Variants in AK8 observed in about 807,000 individuals in gnomAD.
The protein encoded by AK8 is adenylate kinase 8.
AK8 carries 44 observed loss-of-function variants against 54.6 expected under a neutral mutation model. The observed-to-expected ratio is 0.81, with a 90% confidence interval of 0.63 to 1.04. The LOEUF is 1.04. AK8 is among the 50% of genes least tolerant of loss of function. The pLI is 0.00. For missense variants in AK8, 555 were observed against 613.6 expected, an observed-to-expected ratio of 0.90 and a Z score of 1.01; for synonymous variants, 239 against 245.6, an observed-to-expected ratio of 0.97 and a Z score of 0.25.
At chr9:132,869,886 C>T (rs1843742748) in intron 2 of AK8, among the ~76,000 whole-genome samples, 1 of 152,086 alleles carries the variant, frequency 6.6e-6, no homozygotes, top group Admixed American at 6.5e-5. Flanking sequence ...ATGGAGAGAG[C>T]GCCTGCTTGG....
chr9:132,835,754 A>G (rs569680471), intron 5 of AK8, among the ~76,000 whole-genome samples: 68 of 152,324 alleles, frequency 4.5e-4, no homozygotes, highest in African/African-American at 1.6e-3. Context: ...TTAGGAGGCC[A>G]AGGTGGGAGG....
intron 9 of AK8, among the ~76,000 whole-genome samples, chr9:132,822,567 A>G (rs1345906350): frequency 6.6e-6 from 1 of 151,882 alleles, no homozygotes; most frequent in Non-Finnish European, 1.5e-5. Context: ...ACTCCCTTCA[A>G]CCTGGCAGTG....
chr9:132,872,724 C>A (rs772706622), intron 2 of AK8, among the ~76,000 whole-genome samples: 41 of 152,304 alleles, frequency 2.7e-4, no homozygotes, highest in Admixed American at 2.2e-3. Flanking sequence ...ACCTCCACCC[C>A]CTGGGTTCAA....
intron 10 of AK8, among the ~76,000 whole-genome samples, chr9:132,810,402 C>A (rs538600269): frequency 8.5e-5 from 13 of 152,258 alleles, no homozygotes; most frequent in African/African-American, 1.2e-4. Context: ...AACGACTCTG[C>A]GCCTGGACCA....
intron 9 of AK8, among the ~76,000 whole-genome samples, chr9:132,818,648 G>T (rs1017901941): frequency 1.3e-5 from 2 of 152,090 alleles, no homozygotes; most frequent in Admixed American, 6.5e-5. Context: ...AAGGTGGCAG[G>T]AAAGGAGGAA....
intron 5 of AK8, among the ~76,000 whole-genome samples, chr9:132,845,920 A>G (rs1842730534): frequency 6.6e-6 from 1 of 152,074 alleles, no homozygotes; most frequent in South Asian, 2.1e-4. Context: ...TCACGGAAAC[A>G]AATCTGTCCA....
At chr9:132,848,147 T>TAAAAAAAAAAAAAAA (rs1842832252) in intron 5 of AK8, among the ~76,000 whole-genome samples, 1 of 90,838 alleles carries the variant, frequency 1.1e-5, no homozygotes. Context: ...AAAAAAAGAT[T>TAAAAAAAAAAAAAAA]GAAGAGAAGA....
In AK8 at chr9:132,860,332, G is replaced by A. The variant is rs142563247; in HGVS notation, c.333+3333C>T. Reference sequence around the variant, plus strand: ...TAGGTGTGATAATGTGTCTCTATGCGTTTACTGAAAAAGGGCCCTTATCTT... The same window carrying A: ...TAGGTGTGATAATGTGTCTCTATGCATTTACTGAAAAAGGGCCCTTATCTT... On this transcript the variant is annotated intron_variant, in intron 4 of 12. Transcript: ENST00000298545. The surrounding 1 kb of genome is among the most constrained non-coding windows in gnomAD (Gnocchi z 4.4). Among the ~76,000 whole-genome samples, 7 of 152,270 alleles carry A rather than the reference G, an allele frequency of 4.6e-5. No homozygotes were observed. Among genetic ancestry groups the A allele is most frequent in the East Asian group, 1.9e-4 (1 of 5,184 alleles).
At chr9:132,864,770 T>G (rs909093759) in intron 3 of AK8, among the ~76,000 whole-genome samples, 1 of 152,134 alleles carries the variant, frequency 6.6e-6, no homozygotes, top group African/African-American at 2.4e-5. Flanking sequence ...CGAAAGCAGG[T>G]CTCTGCGTTC....
Position 132,803,834 on chromosome 9 carries a change from G to A in AK8, c.979+10804C>T, listed in dbSNP as rs1317716491. Reference sequence around the variant, plus strand: ...TCCTTCAAGACTAATTCTCTGGGCCGGGCATGGTGGTTCACGCCTGTAATC... The same window carrying A: ...TCCTTCAAGACTAATTCTCTGGGCCAGGCATGGTGGTTCACGCCTGTAATC... On this transcript the variant is annotated intron_variant, in intron 10 of 12. Coordinates refer to ENST00000298545, the MANE Select transcript of AK8 (RefSeq NM_152572.3). The surrounding 1 kb of genome is among the most constrained non-coding windows in gnomAD (Gnocchi z 4.4). 2.6e-5 allele frequency among the ~76,000 whole-genome samples: 4 copies of A among 152,108 alleles called. No homozygotes were observed. Among genetic ancestry groups the A allele is most frequent in the African/African-American group, 9.7e-5 (4 of 41,408 alleles).
At chr9:132,728,140 G>A (rs369758029) in intron 11 of AK8, among the ~76,000 whole-genome samples, 1 of 152,238 alleles carries the variant, frequency 6.6e-6, no homozygotes, top group East Asian at 1.9e-4. Flanking sequence ...CCCCAGACGA[G>A]GGTGGGCATC....
chr9:132,876,110 GGGGCA>G (rs892907947), intron 1 of AK8, among the ~76,000 whole-genome samples: 2 of 152,184 alleles, frequency 1.3e-5, no homozygotes, highest in African/African-American at 4.8e-5. Flanking sequence ...AAGGGAGTGT[GGGGCA>G]GGGAAAGAGC....
chr9:132,745,971 G>A (rs1837629933), intron 11 of AK8, among the ~76,000 whole-genome samples: 1 of 152,224 alleles, frequency 6.6e-6, no homozygotes, highest in Non-Finnish European at 1.5e-5. Context: ...CAGGAAGAGA[G>A]AGGATGCTTC....
chr9:132,759,371 C>G (rs1838346342), intron 11 of AK8, among the ~76,000 whole-genome samples: 1 of 152,118 alleles, frequency 6.6e-6, no homozygotes, highest in South Asian at 2.1e-4. Flanking sequence ...TTGGTTGCAA[C>G]TAGCCTATCC....
rs559119371 is a variant in AK8, at chr9:132,792,909, C to T, written c.980-134G>A. The stretch of plus-strand genomic sequence containing the variant: ...GTGGAGCCACTTGGAACCACTTGGA[C>T]AAGGTTGTCAGTGCCTATTTCCCAG... On this transcript the variant is annotated intron_variant, in intron 10 of 12. Transcript: ENST00000298545. The T allele has an allele frequency of 8.6e-6, 10 of 1,156,528 alleles. No homozygotes were observed. The Admixed American group carries it at 2.7e-4, about 31-fold the overall frequency. The allele number at this position is 1,156,528 out of a possible 1,614,324, so 71.6% of individuals were successfully genotyped here. A position where few individuals can be genotyped will look rare whatever the true frequency, so the allele number is the denominator to read the frequency against.
intron 9 of AK8, among the ~76,000 whole-genome samples, chr9:132,817,269 GC>G (rs1200672091): frequency 6.6e-6 from 1 of 152,144 alleles, no homozygotes; most frequent in Non-Finnish European, 1.5e-5. Context: ...TACTCTTAAA[GC>G]AGAATGGTGA....
chr9:132,829,880 T>C (rs1354967175), intron 5 of AK8, among the ~76,000 whole-genome samples: 2 of 152,158 alleles, frequency 1.3e-5, no homozygotes, highest in African/African-American at 4.8e-5. Context: ...AATCCAATTG[T>C]GAAAGTAATA....
intron 11 of AK8, among the ~76,000 whole-genome samples, chr9:132,745,350 A>G (rs1837593814): frequency 6.6e-6 from 1 of 152,178 alleles, no homozygotes; most frequent in African/African-American, 2.4e-5. Flanking sequence ...TACGCGGCTA[A>G]TTGCTCGACT....
intron 4 of AK8, among the ~76,000 whole-genome samples, chr9:132,857,854 G>A (rs1029687685): frequency 2.6e-5 from 4 of 152,322 alleles, no homozygotes; most frequent in South Asian, 2.1e-4. Context: ...GCTGCTCCCC[G>A]CCACTGTGCT....
Sources: gnomAD v4.1 joint callset for allele counts (sites outside exome capture counted in the v4.1 genomes callset) on GRCh38, gnomAD v4.1.1 for gene constraint, Gnocchi (gnomAD v3.1) non-coding constraint, MANE v1.5 for transcripts, NCBI Gene and HGNC (gene_info 2026-07-23, HGNC 2026-07-21) for gene names.